TMA7B: variants seen among roughly 807,000 people sequenced by gnomAD.
TMA7B encodes translation machinery associated 7 homolog B, also known as translation machinery-associated protein 7B.
the TMA7B span, among the ~76,000 whole-genome samples, chr22:39,962,840 G>T: frequency 3.3e-5 from 5 of 151,868 alleles, no homozygotes; most frequent in Non-Finnish European, 7.4e-5. Flanking sequence ...TGTGTGTGTG[G>T]TTTTTTTCAG....
At chr22:39,962,688 C>T in the TMA7B span, among the ~76,000 whole-genome samples, 18 of 151,944 alleles carry the variant, frequency 1.2e-4, no homozygotes, top group African/African-American at 3.6e-4. Flanking sequence ...GACAGACTCT[C>T]GCTCTGTCGC....
At chr22:39,963,655 CA>C in the TMA7B span, among the ~76,000 whole-genome samples, 8 of 152,150 alleles carry the variant, frequency 5.3e-5, no homozygotes, top group Non-Finnish European at 1.2e-4. Context: ...CAAATCCCAG[CA>C]CATAAGATGA....
the TMA7B span, among the ~76,000 whole-genome samples, chr22:39,961,076 G>T: frequency 6.6e-6 from 1 of 151,424 alleles, no homozygotes; most frequent in Admixed American, 6.6e-5. Flanking sequence ...CTCTCAAGTA[G>T]CTGGGGATAC....
At chr22:39,960,846 G>A in the TMA7B span, 1 of 152,188 alleles carries the variant, frequency 6.6e-6, no homozygotes, top group Non-Finnish European at 1.5e-5. Flanking sequence ...TTATGCTTAG[G>A]TTTGTCAAAG....
chr22:39,961,583 C>T, the TMA7B span, among the ~76,000 whole-genome samples: 1 of 152,198 alleles, frequency 6.6e-6, no homozygotes, highest in Admixed American at 6.5e-5. Flanking sequence ...TAGGAAGTGA[C>T]TCAGTCCACG....
the TMA7B span, among the ~76,000 whole-genome samples, chr22:39,963,036 C>T: frequency 1.3e-5 from 2 of 152,216 alleles, no homozygotes; most frequent in Admixed American, 1.3e-4. Context: ...TGACTTCTAC[C>T]GAAGTCTTCC....
the TMA7B span, among the ~76,000 whole-genome samples, chr22:39,962,612 G>A: frequency 9.9e-5 from 15 of 152,136 alleles, no homozygotes; most frequent in East Asian, 1.3e-3. Context: ...CCTTTGGTTT[G>A]CATGAAGATG....
the TMA7B span, among the ~76,000 whole-genome samples, chr22:39,961,827 A>C: frequency 6.6e-6 from 1 of 152,246 alleles, no homozygotes; most frequent in South Asian, 2.1e-4. Flanking sequence ...CTTTGTTTTA[A>C]GGACAGAAAT....
At chr22:39,964,773 A>G in the TMA7B span, 3 of 440,104 alleles carry the variant, frequency 6.8e-6, no homozygotes, top group Non-Finnish European at 1.2e-5. Flanking sequence ...TGTTTTCACT[A>G]AGTCATTCCT....
chr22:39,962,089 G>A, the TMA7B span, among the ~76,000 whole-genome samples: 4 of 152,146 alleles, frequency 2.6e-5, no homozygotes, highest in Non-Finnish European at 5.9e-5. Context: ...TTCTAATCTT[G>A]TTAGGTCTTA....
At chr22:39,964,401 G>T in the TMA7B span, 1 of 787,124 alleles carries the variant, frequency 1.3e-6, no homozygotes, top group South Asian at 1.4e-5. Flanking sequence ...GTGGCAAGAA[G>T]AAGGCACTGA....
the TMA7B span, among the ~76,000 whole-genome samples, chr22:39,963,486 A>G: frequency 3.9e-5 from 6 of 152,306 alleles, no homozygotes; most frequent in South Asian, 1.0e-3. Context: ...AAGGATAATG[A>G]CTTTGAGTTG....
chr22:39,962,020 A>G, the TMA7B span, among the ~76,000 whole-genome samples: 1 of 152,198 alleles, frequency 6.6e-6, no homozygotes, highest in African/African-American at 2.4e-5. Context: ...TAAAAACTTT[A>G]TTTTCATAGC....
At chr22:39,962,905 G>A in the TMA7B span, among the ~76,000 whole-genome samples, 985 of 152,098 alleles carry the variant, frequency 6.5e-3, 14 homozygotes, top group African/African-American at 0.023. Flanking sequence ...CTGGCCTCAT[G>A]TAATCCACCC....
chr22:39,963,742 G>A, the TMA7B span, among the ~76,000 whole-genome samples: 1 of 152,206 alleles, frequency 6.6e-6, no homozygotes, highest in African/African-American at 2.4e-5. Context: ...CCATGGTCAG[G>A]CGCAGTGGCT....
chr22:39,962,073 C>T, the TMA7B span, among the ~76,000 whole-genome samples: 12 of 152,314 alleles, frequency 7.9e-5, no homozygotes, highest in Admixed American at 6.5e-4. Context: ...ATTGATGTAT[C>T]ACAAATTCTA....
At chr22:39,961,371 C>T in the TMA7B span, among the ~76,000 whole-genome samples, 1 of 152,208 alleles carries the variant, frequency 6.6e-6, no homozygotes, top group Non-Finnish European at 1.5e-5. Context: ...ACCTTCCCAT[C>T]TCCTTTGGTT....
At chr22:39,963,092 G>C in the TMA7B span, among the ~76,000 whole-genome samples, 2 of 152,176 alleles carry the variant, frequency 1.3e-5, no homozygotes, top group African/African-American at 4.8e-5. Flanking sequence ...GACAATTACC[G>C]TAATCCTTAT....
chr22:39,964,282 C>T, the TMA7B span: 1 of 645,630 alleles, frequency 1.5e-6, no homozygotes. Context: ...GAATGTGTCC[C>T]ATCACTTGTG....
Sources: gnomAD v4.1 joint callset for allele counts (sites outside exome capture counted in the v4.1 genomes callset) on GRCh38, gnomAD v4.1.1 for gene constraint, MANE v1.5 for transcripts, NCBI Gene and HGNC (gene_info 2026-07-23, HGNC 2026-07-21) for gene names.